WDPCP: variants seen among roughly 807,000 people sequenced by gnomAD.
WDPCP encodes WD repeat-containing and planar cell polarity effector protein fritz homolog.
In WDPCP, 71 loss-of-function variants were observed where a neutral mutation model predicts 93.1. The ratio of observed to expected loss-of-function variants is 0.76; its 90% CI spans 0.63 to 0.93. The LOEUF (loss-of-function observed/expected upper bound fraction) is 0.93, where lower values mean the gene tolerates loss of function less well. Among genes scored for constraint, WDPCP ranks in the 40% least tolerant of loss-of-function variants. The probability of loss-of-function intolerance (pLI) is 0.00; values close to 1 mark genes in which losing one functional copy is unlikely to be tolerated. For missense variants in WDPCP, 844 were observed against 887.4 expected, an observed-to-expected ratio of 0.95 and a Z score of 0.62; for synonymous variants, 315 against 315.0, an observed-to-expected ratio of 1.00 and a Z score of 0.00.
intron 1 of WDPCP, among the ~76,000 whole-genome samples, chr2:63,523,637 C>T (rs756579883): frequency 4.6e-5 from 7 of 152,202 alleles, no homozygotes; most frequent in South Asian, 2.1e-4. Context: ...ACAGGCTGGG[C>T]GCAGTGGCTC....
intron 2 of WDPCP, among the ~76,000 whole-genome samples, chr2:63,812,683 C>T (rs575244119): frequency 2.0e-5 from 3 of 152,042 alleles, no homozygotes; most frequent in Non-Finnish European, 4.4e-5. Context: ...GACTCCTGAC[C>T]CACAGAAACT....
At chr2:63,270,336 G>A (rs1271153030) in intron 13 of WDPCP, among the ~76,000 whole-genome samples, 2 of 152,154 alleles carry the variant, frequency 1.3e-5, no homozygotes, top group South Asian at 2.1e-4. Flanking sequence ...TGTAGAACTC[G>A]TAAATAAAAC....
intron 2 of WDPCP, among the ~76,000 whole-genome samples, chr2:63,755,892 C>A (rs1216561095): frequency 6.6e-6 from 1 of 152,202 alleles, no homozygotes; most frequent in Non-Finnish European, 1.5e-5. Flanking sequence ...CTTTAAGAAT[C>A]TCCCCTGCAG....
chr2:63,270,210 G>T (rs1682514334), intron 13 of WDPCP, among the ~76,000 whole-genome samples: 1 of 152,108 alleles, frequency 6.6e-6, no homozygotes, highest in East Asian at 1.9e-4. Context: ...CATTTTAAAA[G>T]TGAAAATATA....
chr2:63,370,744 C>T (rs1398945903), intron 12 of WDPCP, among the ~76,000 whole-genome samples: 1 of 151,888 alleles, frequency 6.6e-6, no homozygotes, highest in African/African-American at 2.4e-5. Flanking sequence ...TTTTTATTTA[C>T]CTAAGAAATT....
intron 6 of WDPCP, among the ~76,000 whole-genome samples, chr2:63,478,528 C>T (rs778484282): frequency 2.2e-4 from 34 of 151,996 alleles, no homozygotes; most frequent in Non-Finnish European, 4.9e-4. Context: ...CAAAAGGAAC[C>T]CTCAAAACCA....
At chr2:63,279,614 A>G (rs1426984388) in intron 13 of WDPCP, among the ~76,000 whole-genome samples, 1 of 152,220 alleles carries the variant, frequency 6.6e-6, no homozygotes, top group Non-Finnish European at 1.5e-5. Context: ...AGTCAGAGCA[A>G]TCAGACAAGA....
intron 10 of WDPCP, among the ~76,000 whole-genome samples, chr2:63,398,312 C>A (rs780604086): frequency 6.6e-6 from 1 of 152,110 alleles, no homozygotes; most frequent in Non-Finnish European, 1.5e-5. Flanking sequence ...AGGGCCTCCA[C>A]TTTTTAAAAT....
At chr2:63,292,157 A>G (rs1038012061) in intron 13 of WDPCP, among the ~76,000 whole-genome samples, 1 of 151,162 alleles carries the variant, frequency 6.6e-6, no homozygotes, top group Non-Finnish European at 1.5e-5. Flanking sequence ...AAAAAGAAAA[A>G]GAAAAGAAAA....
intron 14 of WDPCP, among the ~76,000 whole-genome samples, chr2:63,176,680 T>C (rs1435356108): frequency 6.6e-6 from 1 of 152,202 alleles, no homozygotes; most frequent in Non-Finnish European, 1.5e-5. Context: ...TTTTCTCCCA[T>C]TCCTTAGGCT....
chr2:63,439,670 TGGTAATAA>T, intron 7 of WDPCP, 79 bp downstream of exon 7: 1 of 1,154,556 alleles, frequency 8.7e-7, no homozygotes, highest in South Asian at 1.3e-5. Context: ...AAGTCCCCAG[TGGTAATAA>T]TTAGTCTACC....
At chr2:63,363,585 C>A (rs1423288790) in intron 12 of WDPCP, among the ~76,000 whole-genome samples, 2 of 151,828 alleles carry the variant, frequency 1.3e-5, no homozygotes, top group African/African-American at 2.4e-5. Flanking sequence ...GCAACAGAGA[C>A]CCTGTCTCAA....
intron 2 of WDPCP, among the ~76,000 whole-genome samples, chr2:63,773,919 C>CA (rs1255035024): frequency 1.3e-5 from 2 of 150,878 alleles, no homozygotes; most frequent in African/African-American, 4.9e-5. Context: ...CAAGGAGCAG[C>CA]AAAAAAATAA....
At chr2:63,380,479 G>A (rs1046538181) in intron 11 of WDPCP, among the ~76,000 whole-genome samples, 2 of 152,010 alleles carry the variant, frequency 1.3e-5, no homozygotes, top group Non-Finnish European at 2.9e-5. Flanking sequence ...ACGGGCTCAC[G>A]CCTGTAATCC....
chr2:63,502,668 T>C (rs1464774037), intron 1 of WDPCP, among the ~76,000 whole-genome samples: 1 of 152,212 alleles, frequency 6.6e-6, no homozygotes, highest in Non-Finnish European at 1.5e-5. Flanking sequence ...TTTATCCCTA[T>C]GTGTGTATGA....
At position 63,478,904 on chromosome 2, in the gene WDPCP, C is replaced by T. The variant is rs188554303; in HGVS notation, c.384+5700G>A. On this transcript the variant is annotated intron_variant, in intron 6 of 17. Transcript: ENST00000272321. ...ACACACGATAAATGCAACAAAAAGC[C>T]GGTTTCTTTGAAAAGATAAATAAAA... is the stretch of plus-strand genomic sequence containing the variant. 1.9e-3 allele frequency among the ~76,000 whole-genome samples: 293 copies of T among 151,832 alleles called. 2 individuals carry two copies. The highest frequency in any genetic ancestry group is 6.4e-3 in the African/African-American group (267 of 41,436).
intron 6 of WDPCP, among the ~76,000 whole-genome samples, chr2:63,472,004 G>A (rs1477137949): frequency 1.3e-5 from 2 of 151,930 alleles, no homozygotes; most frequent in Non-Finnish European, 2.9e-5. Flanking sequence ...GGTTACATAT[G>A]TATACATGTG....
intron 12 of WDPCP, among the ~76,000 whole-genome samples, chr2:63,359,388 T>C (rs1285105653): frequency 6.6e-6 from 1 of 152,148 alleles, no homozygotes; most frequent in Non-Finnish European, 1.5e-5. Context: ...CTAGAGAGCA[T>C]AAAGATAGAA....
chr2:63,493,888 G>A (rs1341827954), intron 1 of WDPCP, among the ~76,000 whole-genome samples: 1 of 151,920 alleles, frequency 6.6e-6, no homozygotes, highest in African/African-American at 2.4e-5. Context: ...GTAAACTTCC[G>A]AATGACAAAG....
Sources: allele counts gnomAD v4.1 joint callset (sites outside exome capture counted in the v4.1 genomes callset), GRCh38; gene constraint gnomAD v4.1.1; transcripts MANE v1.5; gene names NCBI Gene and HGNC (gene_info 2026-07-23, HGNC 2026-07-21).